The following CSMD1 variants were observed in gnomAD, a reference collection of about 807,000 sequenced individuals.
CSMD1 encodes CUB and Sushi multiple domains 1, also known as CUB and sushi domain-containing protein 1.
Under a neutral mutation model 417.5 loss-of-function variants are expected in CSMD1, and 213 were observed. That is an observed-to-expected ratio of 0.51 (90% CI 0.46 to 0.57). The LOEUF (loss-of-function observed/expected upper bound fraction) is 0.57, where lower values mean the gene tolerates loss of function less well. Among genes scored for constraint, CSMD1 ranks in the 20% least tolerant of loss-of-function variants. CSMD1 has a pLI of 0.00. For missense variants in CSMD1, 6,923 were observed against 4,529.7 expected (o/e 1.53, Z -15.17); for synonymous variants, 2,862 against 1,736.8 (o/e 1.65, Z -16.11).
At position 3,998,087 on chromosome 8, in the gene CSMD1, A is replaced by C. The variant is rs1815360860; in HGVS notation, c.634T>G (p.Leu212Val). Residue 212 changes from leucine (L) to valine (V), a missense_variant, in exon 5 of 70, where the codon TTA becomes GTA. Transcript: ENST00000635120. ...GAGATGGAGCTGCTGGTCCCGCGTAAGGTTCCTCCGCAGGCTCCCTCAGCT... is the reference window on the plus strand; with the variant it reads ...GAGATGGAGCTGCTGGTCCCGCGTACGGTTCCTCCGCAGGCTCCCTCAGCT... ...CRAEGACGGT[L>V]RGTSSSISSP... 2.5e-6 allele frequency: 4 copies of C among 1,580,108 alleles called. No individual in the cohort carries two copies. The highest frequency in any genetic ancestry group is 3.4e-6 in the Non-Finnish European group (4 of 1,162,286).
intron 10 of CSMD1, among the ~76,000 whole-genome samples, chr8:3,556,547 CACACCCTCT>C (rs1799160858): frequency 1.8e-5 from 1 of 56,564 alleles, no homozygotes; most frequent in Non-Finnish European, 4.1e-5. Context: ...CACACACACA[CACACCCTCT>C]CTCTCTTTCA....
chr8:3,146,890 T>A (rs559174580), intron 40 of CSMD1, among the ~76,000 whole-genome samples: 1 of 152,330 alleles, frequency 6.6e-6, no homozygotes, highest in East Asian at 1.9e-4. Context: ...GGCAACTGCT[T>A]AACTCCTGGA....
At chr8:4,301,556 C>T (rs1388604788) in intron 3 of CSMD1, among the ~76,000 whole-genome samples, 1 of 152,154 alleles carries the variant, frequency 6.6e-6, no homozygotes, top group East Asian at 1.9e-4. Flanking sequence ...TGGAATTCAC[C>T]AAGTGGAAAG....
chr8:3,299,854 C>G (rs1036811291), intron 25 of CSMD1, among the ~76,000 whole-genome samples: 2 of 152,144 alleles, frequency 1.3e-5, no homozygotes, highest in Admixed American at 1.3e-4. Flanking sequence ...TGTCCAGTTT[C>G]AGAGAGAATG....
intron 5 of CSMD1, among the ~76,000 whole-genome samples, chr8:3,944,620 A>G (rs1811102054): frequency 6.6e-6 from 1 of 152,172 alleles, no homozygotes; most frequent in African/African-American, 2.4e-5. Context: ...CATATTCACC[A>G]ACAGAGACTT....
intron 12 of CSMD1, among the ~76,000 whole-genome samples, chr8:3,416,102 C>G (rs189463695): frequency 6.6e-5 from 10 of 151,950 alleles, no homozygotes; most frequent in African/African-American, 2.4e-4. Context: ...GAGATCGAGA[C>G]CATCCTGGAT....
intron 9 of CSMD1, among the ~76,000 whole-genome samples, chr8:3,575,678 T>C (rs1362499100): frequency 6.6e-6 from 1 of 151,572 alleles, no homozygotes; most frequent in South Asian, 2.1e-4. Flanking sequence ...ACTTAAAATT[T>C]ATTGCAAGTT....
intron 12 of CSMD1, among the ~76,000 whole-genome samples, chr8:3,449,969 T>A (rs1815580968): frequency 6.6e-6 from 1 of 152,168 alleles, no homozygotes; most frequent in Non-Finnish European, 1.5e-5. Flanking sequence ...TAATCAAGCG[T>A]TTTAAAGTGG....
chr8:3,801,596 G>T (rs576363538), intron 5 of CSMD1, among the ~76,000 whole-genome samples: 31 of 151,914 alleles, frequency 2.0e-4, no homozygotes, highest in African/African-American at 7.5e-4. Flanking sequence ...CTGTTACCCT[G>T]TGAGTAAAGA....
intron 3 of CSMD1, among the ~76,000 whole-genome samples, chr8:4,144,527 C>T (rs1036388169): frequency 1.3e-5 from 2 of 151,024 alleles, no homozygotes; most frequent in African/African-American, 5.0e-5. Flanking sequence ...CCTCATTACC[C>T]CTTCCCTCCA....
chr8:4,173,637 C>A (rs73658433), intron 3 of CSMD1, among the ~76,000 whole-genome samples: 48 of 152,022 alleles, frequency 3.2e-4, no homozygotes, highest in African/African-American at 9.9e-4. Flanking sequence ...TTCGGAAACA[C>A]TGAATGCCAC....
At chr8:4,751,353 T>C (rs1056021786) in intron 1 of CSMD1, among the ~76,000 whole-genome samples, 1 of 150,818 alleles carries the variant, frequency 6.6e-6, no homozygotes, top group African/African-American at 2.4e-5. Flanking sequence ...ATAGCGCCAC[T>C]GCACTCCAGC....
At chr8:4,276,212 G>T (rs774952392) in intron 3 of CSMD1, among the ~76,000 whole-genome samples, 2 of 152,044 alleles carry the variant, frequency 1.3e-5, no homozygotes, top group Non-Finnish European at 2.9e-5. Context: ...CAAAGACCTG[G>T]AACTAACGCA....
chr8:4,529,517 A>T (rs2130446086), intron 2 of CSMD1, among the ~76,000 whole-genome samples: 1 of 152,334 alleles, frequency 6.6e-6, no homozygotes, highest in East Asian at 1.9e-4. Context: ...TAAATTTCTA[A>T]AAATGCCTCT....
intron 3 of CSMD1, among the ~76,000 whole-genome samples, chr8:4,179,734 A>G (rs1798250335): frequency 1.4e-5 from 1 of 73,440 alleles, no homozygotes; most frequent in Admixed American, 1.8e-4. Context: ...ATTTACAAGA[A>G]AAAAACAAAC....
intron 3 of CSMD1, among the ~76,000 whole-genome samples, chr8:4,302,122 C>G (rs898422572): frequency 6.6e-6 from 1 of 152,094 alleles, no homozygotes; most frequent in Non-Finnish European, 1.5e-5. Context: ...TAGAAGCAAG[C>G]TATCTTGCTA....
At chr8:4,356,625 T>G (rs570504699) in intron 3 of CSMD1, among the ~76,000 whole-genome samples, 1 of 152,330 alleles carries the variant, frequency 6.6e-6, no homozygotes, top group Admixed American at 6.5e-5. Context: ...TCACTGTGTC[T>G]GCTTTATTCT....
intron 2 of CSMD1, among the ~76,000 whole-genome samples, chr8:4,574,066 G>A (rs897388391): frequency 6.6e-6 from 1 of 152,086 alleles, no homozygotes; most frequent in Admixed American, 6.5e-5. Context: ...GACTCCATGG[G>A]GGTGGGACCC....
At chr8:4,473,431 G>C (rs1438083360) in intron 2 of CSMD1, among the ~76,000 whole-genome samples, 2 of 152,136 alleles carry the variant, frequency 1.3e-5, no homozygotes, top group Non-Finnish European at 2.9e-5. Flanking sequence ...GCTTACCTGA[G>C]TATTATTTTG....
Sources: allele counts gnomAD v4.1 joint callset (sites outside exome capture counted in the v4.1 genomes callset), GRCh38; gene constraint gnomAD v4.1.1; transcripts MANE v1.5; gene names NCBI Gene and HGNC (gene_info 2026-07-23, HGNC 2026-07-21).